Variants in TM9SF1 observed in about 807,000 individuals in gnomAD.
TM9SF1 encodes the protein transmembrane 9 superfamily member 1.
In TM9SF1, 25 loss-of-function variants were observed where a neutral mutation model predicts 52.4. The observed-to-expected ratio is 0.48, with a 90% CI of 0.35 to 0.67. TM9SF1 has a LOEUF of 0.67. Ranked by LOEUF, TM9SF1 falls within the 30% of genes least tolerant of loss-of-function variation. The pLI, the probability that TM9SF1 is intolerant of heterozygous loss-of-function variation, is 0.01. For synonymous variants in TM9SF1, 284 were observed against 299.8 expected, an observed-to-expected ratio of 0.95 and a Z score of 0.55; for missense variants, 604 against 780.3, an observed-to-expected ratio of 0.77 and a Z score of 2.69.
chr14:24,192,136 C>T lies in TM9SF1; in HGVS notation c.1153+35G>A, dbSNP rs749717296. 10 of 1,605,758 alleles carry T rather than the reference C, an allele frequency of 6.2e-6. No homozygotes were observed. In the South Asian group the frequency reaches 7.7e-5, roughly 12 times the overall value. The stretch of plus-strand genomic sequence containing the variant: ...CACAATGTGTTCTTCATTCCTAAGT[C>T]CAGAAAGGCCCACCAGGGAAAGGAA... On this transcript the variant is annotated intron_variant, in intron 4 of 5. Coordinates refer to ENST00000261789, the MANE Select transcript of TM9SF1 (RefSeq NM_006405.7). The surrounding 1 kb of genome is among the most constrained non-coding windows in gnomAD (Gnocchi z 4.0).
In TM9SF1 at chr14:24,189,315, T is replaced by G; in HGVS notation, c.*100A>C. On this transcript the variant is annotated 3_prime_UTR_variant, in exon 6 of 6. Coordinates refer to ENST00000261789, the MANE Select transcript of TM9SF1 (RefSeq NM_006405.7). The stretch of plus-strand genomic sequence containing the variant: ...CAAAGGGCAAAAGGGAAGGCAACAA[T>G]GCCATCACACAATTCAGTCAATCAG... 7.4e-7 allele frequency: 1 copy of G among 1,348,078 alleles called. No homozygotes were observed. The highest frequency in any genetic ancestry group is 1.5e-5 in the South Asian group (1 of 68,376). The allele number at this position is 1,348,078 out of a possible 1,614,324, so 83.5% of individuals were successfully genotyped here.
intron 4 of TM9SF1, 58 bp from the exon 5 acceptor site, chr14:24,190,711 A>G: frequency 6.7e-7 from 1 of 1,491,598 alleles, no homozygotes; most frequent in East Asian, 2.3e-5. Context: ...CTCTAAGGGC[A>G]CCCACTTACA....
Position 24,190,600 on chromosome 14 carries a change from A to G in TM9SF1, c.1207T>C (p.Ser403Pro). 6.2e-7 allele frequency: 1 copy of G among 1,614,172 alleles called. No homozygotes were observed. The change falls in exon 5 of 6, where the codon TCG becomes CCG. Residue 403 changes from serine (S) to proline (P), a missense_variant. This residue lies in a region of TM9SF1 where 450 missense variants were observed against 560.1 expected (regional missense o/e 0.80). Transcript: ENST00000261789. ...VVNSVHWANGSTQALPATTIL... is the reference protein window; with the variant it reads ...VVNSVHWANGPTQALPATTIL... ...GTTGTGGCTGGCAGAGCCTGTGTCG[A>G]ACCATTGGCCCAATGCACTGAGTTC... is the stretch of plus-strand genomic sequence containing the variant.
At chr14:24,191,327 G>T (rs1339928327) in intron 4 of TM9SF1, among the ~76,000 whole-genome samples, 1 of 152,166 alleles carries the variant, frequency 6.6e-6, no homozygotes, top group East Asian at 1.9e-4. Flanking sequence ...TTGGATTAAG[G>T]CCCTGTTTTC....
At chr14:24,194,039 C>T (rs2039363205) in intron 2 of TM9SF1, among the ~76,000 whole-genome samples, 1 of 152,168 alleles carries the variant, frequency 6.6e-6, no homozygotes, top group Admixed American at 6.6e-5. Context: ...TTCCTGGCCT[C>T]TTCCCATTCT....
chr14:24,190,955 A>C (rs1314379687), intron 4 of TM9SF1, among the ~76,000 whole-genome samples: 2 of 132,486 alleles, frequency 1.5e-5, no homozygotes, highest in Non-Finnish European at 3.1e-5. Context: ...TCCGCCTCCC[A>C]GGTTCATGCC....
chr14:24,189,925 G>C (rs2138826644), intron 5 of TM9SF1, 117 bp from the exon 6 acceptor site: 1 of 1,439,154 alleles, frequency 6.9e-7, no homozygotes, highest in East Asian at 2.5e-5. Context: ...TGAAAAGTGA[G>C]TTCACTCCAC....
chr14:24,192,624 C>G lies in TM9SF1; in HGVS notation c.967+24G>C. 1.3e-6 allele frequency: 2 copies of G among 1,535,120 alleles called. No individual in the cohort carries two copies. The highest frequency in any genetic ancestry group is 1.7e-6 in the Non-Finnish European group (2 of 1,143,370). ...CTAGTTCTATCCCATGAGATAAATC[C>G]CCAATTCATTTTTATCACCTCACCA... On this transcript the variant is annotated intron_variant, in intron 3 of 5. Transcript: ENST00000261789. This position sits in a 1 kb window ranked among gnomAD's most constrained non-coding sequence, Gnocchi z 4.0.
In TM9SF1 at chr14:24,192,119, G is replaced by A; in HGVS notation, c.1153+52C>T. 1.3e-6 allele frequency: 2 copies of A among 1,573,906 alleles called. No individual in the cohort carries two copies. The highest frequency in any genetic ancestry group is 1.7e-6 in the Non-Finnish European group (2 of 1,144,090). Reference sequence around the variant, plus strand: ...GAGCCACTGTGACCAGCCACAATGTGTTCTTCATTCCTAAGTCCAGAAAGG... The same window carrying A: ...GAGCCACTGTGACCAGCCACAATGTATTCTTCATTCCTAAGTCCAGAAAGG... On this transcript the variant is annotated intron_variant, in intron 4 of 5. Coordinates refer to ENST00000261789, the MANE Select transcript of TM9SF1 (RefSeq NM_006405.7). The surrounding 1 kb of genome is among the most constrained non-coding windows in gnomAD (Gnocchi z 4.0).
At chr14:24,193,346 G>A in intron 2 of TM9SF1, 77 bp from the exon 3 acceptor site, 1 of 1,460,290 alleles carries the variant, frequency 6.8e-7, no homozygotes, top group South Asian at 1.4e-5. Context: ...CTCACCTTCA[G>A]CACTACTGAT....
intron 4 of TM9SF1, among the ~76,000 whole-genome samples, chr14:24,191,112 G>A (rs1327852356): frequency 2.0e-5 from 3 of 152,144 alleles, no homozygotes; most frequent in East Asian, 3.9e-4. Context: ...TGATCTGCCT[G>A]CCTCAGCCTC....
chr14:24,192,489 A>G lies in TM9SF1; in HGVS notation c.968-133T>C. 7.2e-7 allele frequency: 1 copy of G among 1,383,936 alleles called. No homozygotes were observed. Among genetic ancestry groups the G allele is most frequent in the Non-Finnish European group, 9.8e-7 (1 of 1,017,538 alleles). The allele number at this position is 1,383,936 out of a possible 1,614,324, so 85.7% of individuals were successfully genotyped here. On this transcript the variant is annotated intron_variant, in intron 3 of 5. Coordinates refer to ENST00000261789, the MANE Select transcript of TM9SF1 (RefSeq NM_006405.7). This position sits in a 1 kb window ranked among gnomAD's most constrained non-coding sequence, Gnocchi z 4.0. ...AATCTCCCCCAGTTTTGCTATCCAG[A>G]AAATCTACAATAGAATACGTGCATT...
In TM9SF1 at chr14:24,192,480, G is replaced by T; in HGVS notation, c.968-124C>A. The T allele has an allele frequency of 7.2e-7, 1 of 1,384,606 alleles. No homozygotes were observed. Among genetic ancestry groups the T allele is most frequent in the East Asian group, 2.4e-5 (1 of 41,750 alleles). 85.8% of individuals were successfully genotyped at this position (1,384,606 alleles called of 1,614,324 possible). On this transcript the variant is annotated intron_variant, in intron 3 of 5. Transcript: ENST00000261789. This position sits in a 1 kb window ranked among gnomAD's most constrained non-coding sequence, Gnocchi z 4.0. ...CAGCAAAACAATCTCCCCCAGTTTT[G>T]CTATCCAGAAAATCTACAATAGAAT...
chr14:24,194,581 A>G, intron 2 of TM9SF1, 94 bp downstream of exon 2: 1 of 1,217,926 alleles, frequency 8.2e-7, no homozygotes, highest in Non-Finnish European at 1.2e-6. Flanking sequence ...ATCAAATCAG[A>G]CAATTTCCAT....
intron 4 of TM9SF1, among the ~76,000 whole-genome samples, chr14:24,190,938 T>G (rs2039315031): frequency 7.4e-6 from 1 of 134,602 alleles, no homozygotes; most frequent in South Asian, 2.6e-4. Context: ...CTCTGCTCAC[T>G]GCAAGCTCCG....
In TM9SF1 at chr14:24,193,221, C is replaced by T; in HGVS notation, c.394G>A (p.Val132Met). 1.9e-6 allele frequency: 3 copies of T among 1,613,806 alleles called. No homozygotes were observed. The highest frequency in any genetic ancestry group is 2.5e-6 in the Non-Finnish European group (3 of 1,179,810). The change falls in exon 3 of 6, where the codon GTG (valine) becomes ATG (methionine). Residue 132 changes from valine (V) to methionine (M), a missense_variant. Physicochemically the swap from Val to Met is conservative, Grantham distance 21. Transcript: ENST00000261789. ...AIEELYYFEF[V>M]VDDLPIRGFV... ...CCCCGGATTGGCAAGTCATCTACCA[C>T]AAATTCAAAGTAGTACAGTTCTTCA...
Position 24,194,903 on chromosome 14 carries a change from G to A in TM9SF1, c.117C>T (p.Gly39=), listed in dbSNP as rs775159030. ...TGTTGACATACAGAATAACAGGGTC[G>A]CCGGCCTTGTAGTGTGTCACGCCTT... The part of the protein sequence containing the change: ...GVEGVTHYKA[G]DPVILYVNKV... Residue 39 remains glycine (G), a synonymous_variant, in exon 2 of 6, where the codon GGC becomes GGT. Transcript: ENST00000261789. 2 of 1,614,080 alleles carry A rather than the reference G, an allele frequency of 1.2e-6. No homozygotes were observed. The highest frequency in any genetic ancestry group is 4.5e-5 in the East Asian group (2 of 44,900).
chr14:24,191,337 C>T (rs1436850944), intron 4 of TM9SF1, among the ~76,000 whole-genome samples: 1 of 152,200 alleles, frequency 6.6e-6, no homozygotes, highest in Non-Finnish European at 1.5e-5. Flanking sequence ...GCCCTGTTTT[C>T]AGAAAGCCTT....
At position 24,192,878 on chromosome 14, in the gene TM9SF1, A is replaced by G. The variant is rs1353246356; in HGVS notation, c.737T>C (p.Val246Ala). Residue 246 changes from valine to alanine, a missense_variant, in exon 3 of 6, where the codon GTG becomes GCG. Coordinates refer to ENST00000261789, the MANE Select transcript of TM9SF1 (RefSeq NM_006405.7). The surrounding 1 kb of genome is among the most constrained non-coding windows in gnomAD (Gnocchi z 4.0). Reference protein sequence around the residue: ...WLSIINSMVLVFLLVGFVAVI... With the variant: ...WLSIINSMVLAFLLVGFVAVI... ...AGCCACAAAACCCACCAGTAAAAAC[A>G]CAAGCACCATGGAGTTGATGATGGA... 6.2e-7 allele frequency: 1 copy of G among 1,614,030 alleles called. No individual in the cohort carries two copies. The highest frequency in any genetic ancestry group is 2.2e-5 in the East Asian group (1 of 44,900).
Sources: gnomAD v4.1 joint callset for allele counts (sites outside exome capture counted in the v4.1 genomes callset) on GRCh38, gnomAD v4.1.1 for gene constraint, gnomAD v4.1.1 regional missense constraint, Gnocchi (gnomAD v3.1) non-coding constraint, MANE v1.5 for transcripts, NCBI Gene and HGNC (gene_info 2026-07-23, HGNC 2026-07-21) for gene names.